Variants in RSPH14 observed in about 807,000 individuals in gnomAD.
RSPH14 encodes the protein rhabdoid tumor deletion region gene 1.
Under a neutral mutation model 26.7 loss-of-function variants are expected in RSPH14, and 20 were observed. That is an observed-to-expected ratio of 0.75 (90% CI 0.53 to 1.09). The LOEUF is 1.09. RSPH14 is among the 50% of genes least tolerant of loss of function. The pLI, the probability that RSPH14 is intolerant of heterozygous loss-of-function variation, is 0.00. For missense variants in RSPH14, 449 were observed against 457.2 expected, an observed-to-expected ratio of 0.98 and a Z score of 0.16; for synonymous variants, 177 against 189.3, an observed-to-expected ratio of 0.93 and a Z score of 0.53.
chr22:23,156,505 T>C, the RSPH14 span, among the ~76,000 whole-genome samples: 41 of 152,064 alleles, frequency 2.7e-4, no homozygotes, highest in Non-Finnish European at 5.4e-4. Flanking sequence ...GGCAGCCAGG[T>C]GGTGCTGGGC....
In RSPH14 at chr22:23,063,965, T is replaced by G. The variant is rs1167316160; in HGVS notation, c.590A>C (p.Gln197Pro). The change falls in exon 5 of 7, where the codon CAG becomes CCG. Residue 197 changes from glutamine (Q) to proline (P), a missense_variant. Transcript: ENST00000216036. ...GTTCTGGTTGGCGCTGAGGAGCTTC[T>G]GCTTCAGGACAAGCACCACATTGCT... Reference protein sequence around the residue: ...LGSNVVLVLKQKLLSANQNIR... With the variant: ...LGSNVVLVLKPKLLSANQNIR... 2 of 1,614,206 alleles carry G rather than the reference T, an allele frequency of 1.2e-6. No homozygotes were observed. The highest frequency in any genetic ancestry group is 3.3e-5 in the Admixed American group (2 of 60,032).
At chr22:23,148,371 C>A (rs988202752), upstream of RSPH14, among the ~76,000 whole-genome samples, 2 of 152,280 alleles carry the variant, frequency 1.3e-5, no homozygotes, top group South Asian at 4.1e-4. Context: ...TGGCACAAAA[C>A]AGTCCAGGTA....
At chr22:23,127,980 G>A (rs1377161998) in intron 4 of RSPH14, among the ~76,000 whole-genome samples, 2 of 151,976 alleles carry the variant, frequency 1.3e-5, no homozygotes, top group African/African-American at 2.4e-5. Flanking sequence ...TCCACCCCCG[G>A]GCTGCACACG....
At chr22:23,125,581 T>C (rs1444705806) in intron 4 of RSPH14, among the ~76,000 whole-genome samples, 1 of 152,124 alleles carries the variant, frequency 6.6e-6, no homozygotes, top group Non-Finnish European at 1.5e-5. Flanking sequence ...ACGGAGTGCA[T>C]TCACCGAGGG....
intron 3 of RSPH14, among the ~76,000 whole-genome samples, chr22:23,135,197 G>T (rs1186112912): frequency 2.0e-5 from 3 of 151,898 alleles, no homozygotes; most frequent in African/African-American, 7.3e-5. Flanking sequence ...TTCTAGGCCA[G>T]GCGCGGTGGC....
chr22:23,066,552 A>G (rs1045559797), intron 4 of RSPH14, among the ~76,000 whole-genome samples: 3 of 152,170 alleles, frequency 2.0e-5, no homozygotes, highest in African/African-American at 7.2e-5. Flanking sequence ...GAGGGAGAAG[A>G]TTAAAAATAA....
intron 4 of RSPH14, among the ~76,000 whole-genome samples, chr22:23,068,209 C>T (rs2068254593): frequency 6.6e-6 from 1 of 152,218 alleles, no homozygotes; most frequent in Non-Finnish European, 1.5e-5. Flanking sequence ...CACTTCCCTC[C>T]CACCCTATGT....
chr22:23,081,638 A>G (rs2068680197), intron 4 of RSPH14, among the ~76,000 whole-genome samples: 2 of 152,044 alleles, frequency 1.3e-5, no homozygotes, highest in Non-Finnish European at 2.9e-5. Context: ...TGTGGCCAAC[A>G]TGGCAAAACC....
upstream of RSPH14, chr22:23,146,685 G>A: frequency 6.2e-7 from 1 of 1,613,838 alleles, no homozygotes; most frequent in Non-Finnish European, 8.5e-7. Context: ...GCTTCCCTAA[G>A]GTAGAGAGTC....
intron 4 of RSPH14, among the ~76,000 whole-genome samples, chr22:23,083,004 C>T (rs1003610901): frequency 1.3e-5 from 2 of 151,828 alleles, no homozygotes; most frequent in East Asian, 1.9e-4. Flanking sequence ...GGAAAGGGCA[C>T]GTGGGAGACT....
intron 4 of RSPH14, chr22:23,095,801 C>T (rs374658683): frequency 6.8e-6 from 11 of 1,613,298 alleles, no homozygotes; most frequent in Admixed American, 3.3e-5. Flanking sequence ...CGAAATCAAG[C>T]TGCTCCTGCT....
chr22:23,096,704 T>G (rs1231168701), intron 4 of RSPH14, among the ~76,000 whole-genome samples: 8 of 152,190 alleles, frequency 5.3e-5, no homozygotes, highest in Non-Finnish European at 1.5e-5. Context: ...ATGTGATAGT[T>G]TGGCAAATCC....
intron 4 of RSPH14, among the ~76,000 whole-genome samples, chr22:23,112,513 G>T (rs979351695): frequency 1.3e-5 from 2 of 152,162 alleles, no homozygotes; most frequent in African/African-American, 2.4e-5. Context: ...GACACAGCAG[G>T]TCTGTGGCCA....
At chr22:23,168,520 C>T in the RSPH14 span, among the ~76,000 whole-genome samples, 7 of 152,216 alleles carry the variant, frequency 4.6e-5, no homozygotes, top group African/African-American at 1.4e-4. Context: ...AGACACCTGC[C>T]GCTTCAGGCA....
chr22:23,123,955 G>C (rs1268650018), intron 4 of RSPH14: 1 of 211,312 alleles, frequency 4.7e-6, no homozygotes, highest in Non-Finnish European at 9.7e-6. Flanking sequence ...CCTGCACACA[G>C]CTGCTCAGCA....
chr22:23,075,332 GGCAATTGCCTGCT>G (rs1287499785), intron 4 of RSPH14, among the ~76,000 whole-genome samples: 1 of 152,168 alleles, frequency 6.6e-6, no homozygotes, highest in African/African-American at 2.4e-5. Flanking sequence ...AACTGCAGCA[GGCAATTGCCTGCT>G]GCAATTCTTC....
rs200251269 is a variant in RSPH14 at position 23,061,796 on chromosome 22, C to A, written c.790+13G>T. On this transcript the variant is annotated intron_variant, in intron 6 of 6. Coordinates refer to ENST00000216036, the MANE Select transcript of RSPH14 (RefSeq NM_014433.3). Reference sequence around the variant, plus strand: ...TAGGGTCTCCCTCCCTGCGGCACCCCCCACCGCCTCACCTTCAGTGATCAC... The same window carrying A: ...TAGGGTCTCCCTCCCTGCGGCACCCACCACCGCCTCACCTTCAGTGATCAC... 9.9e-6 allele frequency: 16 copies of A among 1,613,792 alleles called. No homozygotes were observed. The South Asian group carries it at 1.6e-4, about 17-fold the overall frequency.
chr22:23,072,364 C>T (rs1362546172), intron 4 of RSPH14, among the ~76,000 whole-genome samples: 3 of 152,276 alleles, frequency 2.0e-5, no homozygotes, highest in Admixed American at 6.5e-5. Flanking sequence ...AAGCCTCATT[C>T]TCTAGGAATG....
chr22:23,091,314 G>T (rs564223654), intron 4 of RSPH14, among the ~76,000 whole-genome samples: 1 of 152,072 alleles, frequency 6.6e-6, no homozygotes, highest in South Asian at 2.1e-4. Flanking sequence ...ATGCATACAC[G>T]CACACATACC....
Sources: allele counts gnomAD v4.1 joint callset (sites outside exome capture counted in the v4.1 genomes callset), GRCh38; gene constraint gnomAD v4.1.1; transcripts MANE v1.5; gene names NCBI Gene and HGNC (gene_info 2026-07-23, HGNC 2026-07-21).